Variants in ATP7B observed in about 807,000 individuals in gnomAD.
ATP7B encodes ATPase copper transporting beta, also known as copper-transporting ATPase 2.
In ATP7B, 113 loss-of-function variants were observed where a neutral mutation model predicts 118.9. The observed-to-expected ratio is 0.95, with a 90% CI of 0.82 to 1.11. The LOEUF (loss-of-function observed/expected upper bound fraction) is 1.11, where lower values mean the gene tolerates loss of function less well. ATP7B is among the 50% of genes most tolerant of loss of function. The pLI is 0.00. For missense variants in ATP7B, 1,867 were observed against 1,871.4 expected (o/e 1.00, Z 0.04); for synonymous variants, 777 against 727.4 (o/e 1.07, Z -1.10).
intron 8 of ATP7B, 49 bp downstream of exon 8, chr13:51,958,262 T>G (rs773947365): frequency 7.0e-6 from 11 of 1,576,494 alleles, no homozygotes; most frequent in Non-Finnish European, 9.6e-6. Flanking sequence ...GGAAGTGAGA[T>G]TTGTTTACTG....
intron 12 of ATP7B, among the ~76,000 whole-genome samples, chr13:51,946,900 G>A (rs1957700884): frequency 6.6e-6 from 1 of 152,166 alleles, no homozygotes; most frequent in Admixed American, 6.5e-5. Context: ...CCTGGCATAG[G>A]AGCGGCATTT....
chr13:51,935,176 C>T, intron 20 of ATP7B, 147 bp from the exon 21 acceptor site: 2 of 1,196,522 alleles, frequency 1.7e-6, no homozygotes, highest in Non-Finnish European at 1.2e-6. Flanking sequence ...ACATTAAACT[C>T]CCTATGGTTC....
chr13:52,000,728 A>C (rs1395654906), intron 1 of ATP7B, among the ~76,000 whole-genome samples: 1 of 152,200 alleles, frequency 6.6e-6, no homozygotes, highest in Non-Finnish European at 1.5e-5. Context: ...CTCTTTGATA[A>C]GAATAATCTC....
intron 1 of ATP7B, among the ~76,000 whole-genome samples, chr13:51,986,199 T>C (rs766822692): frequency 6.6e-6 from 1 of 151,418 alleles, no homozygotes; most frequent in Non-Finnish European, 1.5e-5. Context: ...GAGAGAGGAA[T>C]CAAATCGATG....
In ATP7B at chr13:52,011,264, G is replaced by A. The variant is rs757738542; in HGVS notation, c.51+23C>T. 3.7e-6 allele frequency: 6 copies of A among 1,614,174 alleles called. No homozygotes were observed. The South Asian group carries it at 5.5e-5, about 15-fold the overall frequency. On this transcript the variant is annotated intron_variant, in intron 1 of 20. Transcript: ENST00000242839. ...CCTGGTGGGAGTGAGCACGCTGCGC[G>A]GACGCGGGGGAACAAAACTCACTTT...
At chr13:51,973,381 A>G (rs1025236244) in intron 2 of ATP7B, among the ~76,000 whole-genome samples, 4 of 152,156 alleles carry the variant, frequency 2.6e-5, no homozygotes, top group South Asian at 2.1e-4. Flanking sequence ...ATAATCCCCA[A>G]TGTGGCAGTG....
At chr13:51,963,629 G>A (rs1414303447) in intron 5 of ATP7B, among the ~76,000 whole-genome samples, 2 of 151,642 alleles carry the variant, frequency 1.3e-5, no homozygotes, top group African/African-American at 4.8e-5. Flanking sequence ...CCAACTACTC[G>A]GGGAACCGAG....
At chr13:51,988,883 A>G (rs1314211392) in intron 1 of ATP7B, among the ~76,000 whole-genome samples, 1 of 132,476 alleles carries the variant, frequency 7.5e-6, no homozygotes, top group Non-Finnish European at 1.6e-5. Context: ...AGGGAGGGGA[A>G]CATCACACAC....
chr13:51,970,815 G>A, intron 2 of ATP7B, 66 bp from the exon 3 acceptor site: 1 of 1,552,042 alleles, frequency 6.4e-7, no homozygotes, highest in Non-Finnish European at 8.8e-7. Context: ...AGAACAAGAG[G>A]TTTCAGGGCT....
intron 5 of ATP7B, among the ~76,000 whole-genome samples, chr13:51,962,952 C>T (rs1284770961): frequency 2.6e-5 from 4 of 151,888 alleles, no homozygotes; most frequent in African/African-American, 9.7e-5. Flanking sequence ...ATTAGCCAGG[C>T]GTGGTGGTGC....
chr13:51,968,930 G>A (rs1263996304), intron 3 of ATP7B, among the ~76,000 whole-genome samples: 2 of 146,364 alleles, frequency 1.4e-5, no homozygotes, highest in African/African-American at 5.1e-5. Flanking sequence ...GCATGATCTC[G>A]GCTCACTGCA....
intron 1 of ATP7B, among the ~76,000 whole-genome samples, chr13:51,990,103 CATTT>C (rs1293350769): frequency 3.3e-5 from 5 of 151,500 alleles, no homozygotes; most frequent in Non-Finnish European, 5.9e-5. Flanking sequence ...ATTAAAATAA[CATTT>C]ATTATAACAT....
In ATP7B at chr13:51,939,128, T is replaced by C; in HGVS notation, c.3622A>G (p.Thr1208Ala). Residue 1208 changes from threonine (T) to alanine (A), a missense_variant, in exon 17 of 21, where the codon ACG becomes GCG. By Grantham distance (58) the Thr-to-Ala change is moderately conservative. Transcript: ENST00000242839. The stretch of plus-strand genomic sequence containing the variant: ...ACGTCCACACCCATGCTCTGCAGCG[T>C]GTGCACAGCCAGGGCAGCCTCCTGC... Reference protein sequence around the residue: ...VKQEAALAVHTLQSMGVDVVL... With the variant: ...VKQEAALAVHALQSMGVDVVL... The C allele has an allele frequency of 6.2e-7, 1 of 1,614,238 alleles. No homozygotes were observed. The highest frequency in any genetic ancestry group is 8.5e-7 in the Non-Finnish European group (1 of 1,180,034).
chr13:51,961,101 C>A (rs1958708721), intron 6 of ATP7B, among the ~76,000 whole-genome samples: 1 of 152,026 alleles, frequency 6.6e-6, no homozygotes, highest in Non-Finnish European at 1.5e-5. Context: ...TAGCCGCCAC[C>A]AATTCCTTCA....
intron 9 of ATP7B, among the ~76,000 whole-genome samples, chr13:51,955,704 C>T (rs1958293952): frequency 6.6e-6 from 1 of 152,084 alleles, no homozygotes; most frequent in South Asian, 2.1e-4. Context: ...TGAGTCAAAA[C>T]CAACACAGCT....
chr13:51,977,811 G>A (rs1272106005), intron 1 of ATP7B, among the ~76,000 whole-genome samples: 1 of 152,084 alleles, frequency 6.6e-6, no homozygotes, highest in Non-Finnish European at 1.5e-5. Context: ...AGATCACTAG[G>A]CAATAGGAAT....
rs1431633756 is a variant in ATP7B, at chr13:51,935,002, A to C, written c.4152T>G (p.Tyr1384Ter). ...TCATGTGGCCATGCGCCTGTGCCTCATACCTCTCCAGGTCAGGCTTCTTAT... is the reference window on the plus strand; with the variant it reads ...TCATGTGGCCATGCGCCTGTGCCTCCTACCTCTCCAGGTCAGGCTTCTTAT... ...KCYKKPDLERYEAQAHGHMKP... is the reference protein window; with the variant it reads ...KCYKKPDLER Residue 1384 changes from tyrosine to a stop codon, truncating the protein, a stop_gained, in exon 21 of 21, where the codon TAT becomes TAG. Transcript: ENST00000242839. LOFTEE classifies it high-confidence loss of function. 6.2e-7 allele frequency: 1 copy of C among 1,613,910 alleles called. No homozygotes were observed. Among genetic ancestry groups the C allele is most frequent in the Middle Eastern group, 1.7e-4 (1 of 6,028 alleles).
At chr13:51,994,145 G>A (rs1953076430) in intron 1 of ATP7B, among the ~76,000 whole-genome samples, 1 of 152,112 alleles carries the variant, frequency 6.6e-6, no homozygotes, top group South Asian at 2.1e-4. Flanking sequence ...ACCGTATATT[G>A]TATAAACCGG....
intron 1 of ATP7B, among the ~76,000 whole-genome samples, chr13:51,984,992 T>C (rs1413893980): frequency 2.0e-5 from 3 of 152,144 alleles, no homozygotes; most frequent in Non-Finnish European, 4.4e-5. Context: ...ATAGACACTA[T>C]GAAGAAACTG....
Sources: gnomAD v4.1 joint callset for allele counts (sites outside exome capture counted in the v4.1 genomes callset) on GRCh38, gnomAD v4.1.1 for gene constraint, MANE v1.5 for transcripts, NCBI Gene and HGNC (gene_info 2026-07-23, HGNC 2026-07-21) for gene names.